Variants in NBPF14 observed in about 807,000 individuals in gnomAD.
The protein encoded by NBPF14 is NBPF member 14.
NBPF14 carries 104 observed loss-of-function variants against 91.2 expected under a neutral mutation model. That is an observed-to-expected ratio of 1.14 (90% CI 0.97 to 1.34). NBPF14 has a LOEUF of 1.34. Among genes scored for constraint, NBPF14 ranks in the 40% most tolerant of loss-of-function variants. NBPF14 has a pLI of 0.00. For synonymous variants in NBPF14, 294 were observed against 303.8 expected (o/e 0.97, Z 0.34); for missense variants, 908 against 783.0 (o/e 1.16, Z -1.91).
chr1:148,595,181 T>C lies in NBPF14; in HGVS notation c.175+362A>G, dbSNP rs1471824281. On this transcript the variant is annotated intron_variant, in intron 2 of 70. Coordinates refer to ENST00000619423, the Ensembl canonical transcript of NBPF14. ...GAACTGAATAAAAGTTCACTAGTCC[T>C]AGACATTTAGAACAACAGACTAGAT... Among the ~76,000 whole-genome samples the C allele has an allele frequency of 3.5e-4, 52 of 147,122 alleles. 1 individual carries two copies. Among genetic ancestry groups the C allele is most frequent in the African/African-American group, 1.0e-3 (41 of 40,224 alleles).
exon 71 of NBPF14, chr1:148,532,351 C>A (rs1653875915): frequency 6.3e-6 from 1 of 157,920 alleles, no homozygotes; most frequent in African/African-American, 2.4e-5. Flanking sequence ...GACTCCTGAC[C>A]TCTACAGGAT....
Position 148,534,944 on chromosome 1 carries a change from C to G in NBPF14, c.8442-88G>C, listed in dbSNP as rs1337690815. On this transcript the variant is annotated intron_variant, in intron 68 of 70. Transcript: ENST00000619423. ...TAGATTTCATGGCTAACATAAGGAA[C>G]AGTTTAAAAAGAAAAAGGACAGATC... 193 of 745,624 alleles carry G rather than the reference C, an allele frequency of 2.6e-4. 3 individuals are homozygous for G. In the East Asian group the frequency reaches 3.2e-3, roughly 12 times the overall value. 46.2% of individuals were successfully genotyped at this position (745,624 alleles called of 1,614,324 possible).
chr1:148,575,584 A>G, intron 17 of NBPF14, 55 bp downstream of exon 17: 1 of 122,550 alleles, frequency 8.2e-6, no homozygotes, highest in Non-Finnish European at 1.4e-5. Context: ...CAGGAATATC[A>G]CCCCTATCTG....
intron 34 of NBPF14, among the ~76,000 whole-genome samples, 197 bp from the exon 35 acceptor site, chr1:148,561,776 G>C (rs1297409936): frequency 1.3e-4 from 15 of 114,290 alleles, no homozygotes; most frequent in African/African-American, 6.0e-4. Context: ...AAGACAGATA[G>C]ACACACACAC....
intron 28 of NBPF14, among the ~76,000 whole-genome samples, chr1:148,566,520 C>G (rs1463040829): frequency 1.6e-5 from 2 of 122,618 alleles, no homozygotes; most frequent in Admixed American, 7.7e-5. Flanking sequence ...CACACACACA[C>G]ACACACACAC....
chr1:148,533,823 T>A (rs1200281143), intron 70 of NBPF14, 38 bp downstream of exon 70: 4 of 767,974 alleles, frequency 5.2e-6, no homozygotes, highest in Non-Finnish European at 7.1e-6. Flanking sequence ...CTCCAGGAGT[T>A]AACACAGAAC....
chr1:148,534,662 A>T (rs1488432633), intron 69 of NBPF14, 22 bp downstream of exon 69: 5 of 831,890 alleles, frequency 6.0e-6, no homozygotes, highest in Non-Finnish European at 6.3e-6. Context: ...GAGGCTTATC[A>T]CCTTCATAGT....
At chr1:148,559,911 C>T (rs1330133236) in exon 37 of NBPF14, 2 of 1,302,254 alleles carry the variant, frequency 1.5e-6, no homozygotes, top group Non-Finnish European at 1.1e-6. Flanking sequence ...AACATCTATC[C>T]AGTGAGTCCT....
chr1:148,588,774 C>T (rs1285497671), intron 7 of NBPF14, among the ~76,000 whole-genome samples: 1 of 151,620 alleles, frequency 6.6e-6, no homozygotes, highest in African/African-American at 2.4e-5. Flanking sequence ...AGAGCTTTGC[C>T]TGTTGGGCCT....
chr1:148,561,612 AG>A (rs1657725448), intron 34 of NBPF14, 33 bp from the exon 35 acceptor site: 1 of 334,138 alleles, frequency 3.0e-6, no homozygotes, highest in East Asian at 5.7e-5. Flanking sequence ...AGAATAAGCC[AG>A]GGGAAATCAG....
chr1:148,534,244 A>G (rs1654465507), intron 69 of NBPF14, among the ~76,000 whole-genome samples: 1 of 151,430 alleles, frequency 6.6e-6, no homozygotes, highest in Non-Finnish European at 1.5e-5. Flanking sequence ...ATATTTTTCC[A>G]ATCAACGTAA....
rs1392972907 is a variant in NBPF14 at position 148,557,654 on chromosome 1, G to A, written c.4955-112C>T. On this transcript the variant is annotated intron_variant, in intron 39 of 70. Transcript: ENST00000619423. ...CTCAGGCTCCTCAGCATGAGAACAG[G>A]ACCATGTGAGAGATATACTTCAGGA... 6.6e-6 allele frequency: 4 copies of A among 608,602 alleles called. 1 individual carries two copies. Among genetic ancestry groups the A allele is most frequent in the Non-Finnish European group, 1.1e-5 (4 of 349,532 alleles). 37.7% of individuals were successfully genotyped at this position (608,602 alleles called of 1,614,324 possible). A position where few individuals can be genotyped will look rare whatever the true frequency, so the allele number is the denominator to read the frequency against.
intron 12 of NBPF14, among the ~76,000 whole-genome samples, chr1:148,579,693 G>C (rs1294708852): frequency 3.3e-5 from 5 of 151,320 alleles, no homozygotes; most frequent in Admixed American, 1.3e-4. Context: ...TTCTTTTCTT[G>C]CAAAAATACT....
At position 148,572,539 on chromosome 1, in the gene NBPF14, A is replaced by G; in HGVS notation, c.2662T>C (p.Ser888Pro). Residue 888 changes from serine (S) to proline (P), a missense_variant, in exon 21 of 71, where the codon TCA becomes CCA. Around this residue, in one of 13 missense-constraint regions of NBPF14, gnomAD observed 447 missense variants for 189.1 expected, o/e 2.36. Coordinates refer to ENST00000619423, the Ensembl canonical transcript of NBPF14. ...AAGTCAGGCAGTTCAAGATAACCTG[A>G]AGGAGTCGAATAACATCTATCCAGT... The G allele has an allele frequency of 4.6e-6, 3 of 648,194 alleles. No individual in the cohort carries two copies. The African/African-American group carries it at 1.0e-4, about 22-fold the overall frequency. 40.2% of individuals were successfully genotyped at this position (648,194 alleles called of 1,614,324 possible).
chr1:148,586,017 G>T (rs1393254459), intron 9 of NBPF14, among the ~76,000 whole-genome samples: 1 of 151,868 alleles, frequency 6.6e-6, no homozygotes, highest in Non-Finnish European at 1.5e-5. Context: ...GACAGATGCT[G>T]CCTCTTGCTC....
chr1:148,557,695 C>G (rs1281339065), intron 39 of NBPF14, among the ~76,000 whole-genome samples, 153 bp from the exon 40 acceptor site: 1 of 130,174 alleles, frequency 7.7e-6, no homozygotes, highest in Non-Finnish European at 1.5e-5. Context: ...GAAAGCTGGT[C>G]ATGATATTCC....
intron 34 of NBPF14, among the ~76,000 whole-genome samples, chr1:148,561,818 C>CAGAGAGAG (rs1192573908): frequency 3.1e-5 from 4 of 128,730 alleles, no homozygotes; most frequent in Non-Finnish European, 4.6e-5. Flanking sequence ...CACACACACA[C>CAGAGAGAG]AGAGAGAGAG....
intron 22 of NBPF14, among the ~76,000 whole-genome samples, chr1:148,571,274 CAGAGAGAGAGAGAG>C (rs1217747589): frequency 5.1e-5 from 3 of 58,284 alleles, no homozygotes; most frequent in Non-Finnish European, 5.8e-5. Context: ...CACACACACA[CAGAGAGAGAGAGAG>C]AGAGAACGAG....
chr1:148,590,118 G>A lies in NBPF14; in HGVS notation c.778+639C>T, dbSNP rs1287018804. ...GGCTGGAGTGCAGTGGCACAATCTC[G>A]GCTCACTGCAAGCTCCGGTTCCTGG... On this transcript the variant is annotated intron_variant, in intron 6 of 70. Coordinates refer to ENST00000619423, the Ensembl canonical transcript of NBPF14. Among the ~76,000 whole-genome samples the A allele has an allele frequency of 1.7e-4, 22 of 132,170 alleles. No homozygotes were observed. The East Asian group carries it at 3.9e-3, about 23-fold the overall frequency. 86.7% of individuals were successfully genotyped at this position (132,170 alleles called of 152,430 possible). A position where few individuals can be genotyped will look rare whatever the true frequency, so the allele number is the denominator to read the frequency against.
Sources: allele counts gnomAD v4.1 joint callset (sites outside exome capture counted in the v4.1 genomes callset), GRCh38; gene constraint gnomAD v4.1.1; regional missense constraint gnomAD v4.1.1; transcripts MANE v1.5; gene names NCBI Gene and HGNC (gene_info 2026-07-23, HGNC 2026-07-21).